Variants in PLCZ1 observed in about 807,000 individuals in gnomAD.
The protein encoded by PLCZ1 is 1-phosphatidylinositol 4,5-bisphosphate phosphodiesterase zeta-1.
A neutral mutation model predicts 76.8 loss-of-function variants in PLCZ1; 64 were observed. The observed-to-expected ratio is 0.83, with a 90% confidence interval of 0.68 to 1.03. The LOEUF (loss-of-function observed/expected upper bound fraction) is 1.03, where lower values mean the gene tolerates loss of function less well. PLCZ1 is among the 50% of genes least tolerant of loss of function. The probability of loss-of-function intolerance (pLI) is 0.00; values close to 1 mark genes in which losing one functional copy is unlikely to be tolerated. For missense variants in PLCZ1, 751 were observed against 713.7 expected, an observed-to-expected ratio of 1.05 and a Z score of -0.60; for synonymous variants, 248 against 230.8, an observed-to-expected ratio of 1.07 and a Z score of -0.68.
chr12:18,663,605 C>T, the PLCZ1 span, among the ~76,000 whole-genome samples: 1 of 151,710 alleles, frequency 6.6e-6, no homozygotes, highest in African/African-American at 2.4e-5. Context: ...TAAAATATAT[C>T]CAGTACCTAA....
the PLCZ1 span, among the ~76,000 whole-genome samples, chr12:18,653,789 G>C: frequency 6.6e-6 from 1 of 152,044 alleles, no homozygotes; most frequent in African/African-American, 2.4e-5. Flanking sequence ...GAGGGAAGTG[G>C]ATTTTATTAA....
chr12:18,732,529 A>G (rs1185165575), intron 3 of PLCZ1, among the ~76,000 whole-genome samples: 5 of 152,166 alleles, frequency 3.3e-5, no homozygotes, highest in Admixed American at 2.6e-4. Context: ...ATGCAACACA[A>G]TGTTATTTAT....
intron 6 of PLCZ1, 68 bp downstream of exon 6, chr12:18,712,774 T>G: frequency 6.4e-7 from 1 of 1,561,562 alleles, no homozygotes. Flanking sequence ...CATTATAGGA[T>G]TTTGAAGCAA....
Position 18,712,829 on chromosome 12 carries a change from G to T in PLCZ1, c.714+13C>A, listed in dbSNP as rs771607513. On this transcript the variant is annotated intron_variant, in intron 6 of 14. Coordinates refer to ENST00000266505, the MANE Select transcript of PLCZ1 (RefSeq NM_033123.4). ...GTTTAAATAGCTACAGTTGAACAAAGATATGTACATACCATGAATGCATAC... is the reference window on the plus strand; with the variant it reads ...GTTTAAATAGCTACAGTTGAACAAATATATGTACATACCATGAATGCATAC... 6.2e-7 allele frequency: 1 copy of T among 1,612,954 alleles called. No individual in the cohort carries two copies.
intron 10 of PLCZ1, 73 bp downstream of exon 10, chr12:18,699,721 G>A (rs1242239194): frequency 1.3e-5 from 18 of 1,396,084 alleles, no homozygotes; most frequent in Non-Finnish European, 1.8e-5. Flanking sequence ...AAATATCATT[G>A]AGCAATCTTA....
At chr12:18,677,208 A>G in the PLCZ1 span, among the ~76,000 whole-genome samples, 2 of 152,126 alleles carry the variant, frequency 1.3e-5, no homozygotes, top group African/African-American at 4.8e-5. Context: ...CCACAATATG[A>G]TGCACAAATA....
chr12:18,724,196 T>TA (rs1958615980), intron 3 of PLCZ1, among the ~76,000 whole-genome samples: 1 of 152,032 alleles, frequency 6.6e-6, no homozygotes, highest in Non-Finnish European at 1.5e-5. Flanking sequence ...TTGGAAGAGT[T>TA]AGAGAACTGC....
At chr12:18,650,321 C>CTATATA in the PLCZ1 span, among the ~76,000 whole-genome samples, 4 of 87,762 alleles carry the variant, frequency 4.6e-5, no homozygotes, top group African/African-American at 1.2e-4. Context: ...CTCTCTCTCT[C>CTATATA]TCTCTCTCTC....
At chr12:18,710,063 C>A (rs1957101911) in intron 6 of PLCZ1, among the ~76,000 whole-genome samples, 1 of 151,360 alleles carries the variant, frequency 6.6e-6, no homozygotes, top group Non-Finnish European at 1.5e-5. Flanking sequence ...TGTGTGGAAT[C>A]GTTGGGCTTT....
intron 5 of PLCZ1, among the ~76,000 whole-genome samples, chr12:18,719,189 G>A (rs10770393): frequency 0.83 from 125,723 of 152,042 alleles, 52,201 homozygotes; most frequent in East Asian, 0.99. Flanking sequence ...ACCATGGAGA[G>A]GAGGTTAACA....
At chr12:18,652,918 A>G in the PLCZ1 span, among the ~76,000 whole-genome samples, 3 of 151,858 alleles carry the variant, frequency 2.0e-5, no homozygotes, top group Non-Finnish European at 4.4e-5. Flanking sequence ...CAGAATATAC[A>G]TATTCTGTCT....
At chr12:18,657,728 C>A in the PLCZ1 span, among the ~76,000 whole-genome samples, 1 of 152,074 alleles carries the variant, frequency 6.6e-6, no homozygotes, top group Admixed American at 6.6e-5. Flanking sequence ...AATCTGATTT[C>A]TAGAGTTGCC....
chr12:18,667,545 CT>C, the PLCZ1 span, among the ~76,000 whole-genome samples: 4 of 152,070 alleles, frequency 2.6e-5, no homozygotes, highest in Admixed American at 6.6e-5. Flanking sequence ...ATATTTAAGA[CT>C]TTTTTTCTTC....
rs563421381 is a variant in PLCZ1 at position 18,683,491 on chromosome 12, G to A, written c.1742-167C>T. On this transcript the variant is annotated intron_variant, in intron 14 of 14. Coordinates refer to ENST00000266505, the MANE Select transcript of PLCZ1 (RefSeq NM_033123.4). ...AATCTTCCACAAAAATTAAATATTT[G>A]CATTTTCTATTCTGACTTCCTAACT... 5 of 1,481,984 alleles carry A rather than the reference G, an allele frequency of 3.4e-6. No homozygotes were observed. In the East Asian group the frequency reaches 1.2e-4, roughly 37 times the overall value. 91.8% of individuals were successfully genotyped at this position (1,481,984 alleles called of 1,614,324 possible). A position where few individuals can be genotyped will look rare whatever the true frequency, so the allele number is the denominator to read the frequency against.
chr12:18,652,026 T>G, the PLCZ1 span, among the ~76,000 whole-genome samples: 4 of 152,148 alleles, frequency 2.6e-5, no homozygotes, highest in Non-Finnish European at 5.9e-5. Context: ...ATATTTTCTT[T>G]GTTAGTTTGT....
At chr12:18,657,736 G>T in the PLCZ1 span, among the ~76,000 whole-genome samples, 1 of 152,040 alleles carries the variant, frequency 6.6e-6, no homozygotes, top group African/African-American at 2.4e-5. Context: ...TTCTAGAGTT[G>T]CCACACTATA....
the PLCZ1 span, among the ~76,000 whole-genome samples, chr12:18,658,606 T>A: frequency 6.6e-6 from 1 of 151,186 alleles, no homozygotes; most frequent in African/African-American, 2.5e-5. Context: ...TAAAGGAGAA[T>A]TTTTTAATAG....
chr12:18,688,572 G>T (rs1022926492), intron 12 of PLCZ1, among the ~76,000 whole-genome samples: 1 of 149,770 alleles, frequency 6.7e-6, no homozygotes, highest in Non-Finnish European at 1.5e-5. Context: ...ATATATATAT[G>T]CTGGAAAAAA....
At chr12:18,702,082 A>ATG (rs1372353414) in intron 7 of PLCZ1, among the ~76,000 whole-genome samples, 1 of 152,168 alleles carries the variant, frequency 6.6e-6, no homozygotes, top group Non-Finnish European at 1.5e-5. Context: ...GTATATATAT[A>ATG]TAAATACTTA....
Sources: gnomAD v4.1 joint callset for allele counts (sites outside exome capture counted in the v4.1 genomes callset) on GRCh38, gnomAD v4.1.1 for gene constraint, MANE v1.5 for transcripts, NCBI Gene and HGNC (gene_info 2026-07-23, HGNC 2026-07-21) for gene names.